The following DMAP1 variants were observed in gnomAD, a reference collection of about 807,000 sequenced individuals.
The protein encoded by DMAP1 is DNA methyltransferase 1-associated protein 1.
In DMAP1, 26 loss-of-function variants were observed where a neutral mutation model predicts 52.7. The observed-to-expected ratio is 0.49, with a 90% CI of 0.36 to 0.68. DMAP1 has a LOEUF of 0.68. DMAP1 is among the 30% of genes least tolerant of loss of function. The pLI, the probability that DMAP1 is intolerant of heterozygous loss-of-function variation, is 0.00. For missense variants in DMAP1, 439 were observed against 625.2 expected (o/e 0.70, Z 3.18); for synonymous variants, 231 against 246.0 (o/e 0.94, Z 0.57).
chr1:44,218,969 C>G lies in DMAP1; in HGVS notation c.721-87C>G, dbSNP rs1643850033. ...TGATCCATTACTTCTCAGATTCCCT[C>G]ACAGACAGCCCAGCACCCTGTCACC... On this transcript the variant is annotated intron_variant, in intron 5 of 9. Coordinates refer to ENST00000372289, the MANE Select transcript of DMAP1 (RefSeq NM_019100.5). This position sits in a 1 kb window ranked among gnomAD's most constrained non-coding sequence, Gnocchi z 5.6. 6.5e-7 allele frequency: 1 copy of G among 1,529,996 alleles called. No homozygotes were observed. Among genetic ancestry groups the G allele is most frequent in the East Asian group, 2.3e-5 (1 of 44,306 alleles). The allele number at this position is 1,529,996 out of a possible 1,614,324, so 94.8% of individuals were successfully genotyped here. A position where few individuals can be genotyped will look rare whatever the true frequency, so the allele number is the denominator to read the frequency against.
At position 44,213,507 on chromosome 1, in the gene DMAP1, G is replaced by C. The variant is rs1178595184; in HGVS notation, c.-247G>C. The C allele has an allele frequency of 1.1e-5, 5 of 472,598 alleles. No individual in the cohort carries two copies. The highest frequency in any genetic ancestry group is 1.9e-5 in the Non-Finnish European group (5 of 261,596). The allele number at this position is 472,598 out of a possible 1,614,324, so 29.3% of individuals were successfully genotyped here. A position where few individuals can be genotyped will look rare whatever the true frequency, so the allele number is the denominator to read the frequency against. On this transcript the variant is annotated 5_prime_UTR_variant, in exon 1 of 10. Transcript: ENST00000372289. The surrounding 1 kb of genome is among the most constrained non-coding windows in gnomAD (Gnocchi z 4.5). ...GCGGGGACGGGGGAGTGGTAGTGGG[G>C]GCTGCAGCTGCCGGACCCAGGTGCG... is the stretch of plus-strand genomic sequence containing the variant.
chr1:44,218,819 C>G lies in DMAP1; in HGVS notation c.720+64C>G, dbSNP rs560510137. ...ACCCCTTGCTCATTGTCTCCATCCT[C>G]CATCCCCTCAACTCCCACTCCCAGG... is the stretch of plus-strand genomic sequence containing the variant. On this transcript the variant is annotated intron_variant, in intron 5 of 9. Transcript: ENST00000372289. This position sits in a 1 kb window ranked among gnomAD's most constrained non-coding sequence, Gnocchi z 5.6. 6.5e-7 allele frequency: 1 copy of G among 1,545,098 alleles called. No homozygotes were observed. The highest frequency in any genetic ancestry group is 8.8e-7 in the Non-Finnish European group (1 of 1,141,840).
At position 44,218,582 on chromosome 1, in the gene DMAP1, C is replaced by T; in HGVS notation, c.553-6C>T. 1 of 1,609,908 alleles carries T rather than the reference C, an allele frequency of 6.2e-7. No individual in the cohort carries two copies. Among genetic ancestry groups the T allele is most frequent in the Non-Finnish European group, 8.5e-7 (1 of 1,176,672 alleles). On this transcript the variant is annotated splice_polypyrimidine_tract_variant and splice_region_variant and intron_variant, in intron 4 of 9. Transcript: ENST00000372289. This position sits in a 1 kb window ranked among gnomAD's most constrained non-coding sequence, Gnocchi z 5.6. ...GTTCATTCCTCTACCCTGTCTTGCT[C>T]CTCAGAAGCGTTCTGTGGAAGACCT...
At position 44,218,481 on chromosome 1, in the gene DMAP1, T is replaced by C. The variant is rs1429773476; in HGVS notation, c.552+12T>C. 2 of 1,613,196 alleles carry C rather than the reference T, an allele frequency of 1.2e-6. No individual in the cohort carries two copies. The highest frequency in any genetic ancestry group is 1.7e-4 in the Middle Eastern group (1 of 6,060). ...ACCAGCAGTTCAAGGTGAGCCATTGTGTATTTGCATGGGTGCCCAGCTTCT... is the reference window on the plus strand; with the variant it reads ...ACCAGCAGTTCAAGGTGAGCCATTGCGTATTTGCATGGGTGCCCAGCTTCT... On this transcript the variant is annotated intron_variant, in intron 4 of 9. Transcript: ENST00000372289. The surrounding 1 kb of genome is among the most constrained non-coding windows in gnomAD (Gnocchi z 5.6).
Position 44,220,084 on chromosome 1 carries a change from G to A in DMAP1, c.1119G>A (p.Leu373=). 2.5e-6 allele frequency: 4 copies of A among 1,610,522 alleles called. No individual in the cohort carries two copies. Among genetic ancestry groups the A allele is most frequent in the Non-Finnish European group, 3.4e-6 (4 of 1,177,668 alleles). The stretch of plus-strand genomic sequence containing the variant: ...ATGAGCTGCGAAGCGACCTGGTGCT[G>A]CTCTACGAGCTCAAGCAGGCCTGTG... The part of the protein sequence containing the change: ...MFNELRSDLV[L]LYELKQACAN... The change falls in exon 9 of 10, where the codon CTG becomes CTA. Residue 373 remains leucine, a synonymous_variant. Coordinates refer to ENST00000372289, the MANE Select transcript of DMAP1 (RefSeq NM_019100.5).
In DMAP1 at chr1:44,218,514, G is replaced by A. The variant is rs756913898; in HGVS notation, c.552+45G>A. On this transcript the variant is annotated intron_variant, in intron 4 of 9. Transcript: ENST00000372289. The surrounding 1 kb of genome is among the most constrained non-coding windows in gnomAD (Gnocchi z 5.6). ...CATGGGTGCCCAGCTTCTGGGTCTA[G>A]CAGGCCCTACTTTTATGCCATCTCT... The A allele has an allele frequency of 1.9e-6, 3 of 1,610,410 alleles. No individual in the cohort carries two copies. In the African/African-American group the frequency reaches 4.0e-5, roughly 22 times the overall value.
In DMAP1 at chr1:44,213,737, C is replaced by G. The variant is rs775842817; in HGVS notation, c.-17C>G. On this transcript the variant is annotated 5_prime_UTR_variant, in exon 1 of 10. Coordinates refer to ENST00000372289, the MANE Select transcript of DMAP1 (RefSeq NM_019100.5). The surrounding 1 kb of genome is among the most constrained non-coding windows in gnomAD (Gnocchi z 4.5). ...CTGACCCTTGACCTCCGGTGGCTCC[C>G]CCATCTCTCAGGCGCGATGGCTACG... 6.4e-7 allele frequency: 1 copy of G among 1,563,054 alleles called. No individual in the cohort carries two copies.
chr1:44,219,240 C>A lies in DMAP1; in HGVS notation c.905C>A (p.Pro302Gln). Residue 302 changes from proline (P) to glutamine (Q), a missense_variant and splice_region_variant, in exon 6 of 10, where the codon CCG (proline) becomes CAG (glutamine). Around this residue, in one of 3 missense-constraint regions of DMAP1, gnomAD observed 179 missense variants for 285.9 expected, o/e 0.63. Coordinates refer to ENST00000372289, the MANE Select transcript of DMAP1 (RefSeq NM_019100.5). ...CCCCAGAAAAAGGAGGCTGAGAAGCCGGTGCGGAGGTTCCGCCAGCCTAGC... is the reference window on the plus strand; with the variant it reads ...CCCCAGAAAAAGGAGGCTGAGAAGCAGGTGCGGAGGTTCCGCCAGCCTAGC... ...KLPQKKEAEK[P>Q]AVPETAGIKF... 1 of 1,612,662 alleles carries A rather than the reference C, an allele frequency of 6.2e-7. No homozygotes were observed. The highest frequency in any genetic ancestry group is 1.7e-4 in the Middle Eastern group (1 of 5,936).
chr1:44,219,527 G>T, intron 7 of DMAP1, 50 bp downstream of exon 7: 1 of 1,507,990 alleles, frequency 6.6e-7, no homozygotes. Context: ...CTCTGCTCTG[G>T]GCTCCATGTG....
Position 44,220,640 on chromosome 1 carries a change from G to A in DMAP1, c.*22G>A, listed in dbSNP as rs780069806. 7.4e-6 allele frequency: 12 copies of A among 1,613,936 alleles called. No individual in the cohort carries two copies. Among genetic ancestry groups the A allele is most frequent in the East Asian group, 2.2e-5 (1 of 44,890 alleles). On this transcript the variant is annotated 3_prime_UTR_variant, in exon 10 of 10. Transcript: ENST00000372289. ...GTGAGAGGCCCCACGGGGTGTGGGC[G>A]ACGCTGTTATGTAAATAGAGCTGCT...
Position 44,213,692 on chromosome 1 carries a change from G to GCCTGGTCCTTCTTCAGGCACTGAC in DMAP1, c.-58_-35dup. On this transcript the variant is annotated 5_prime_UTR_variant, in exon 1 of 10. Transcript: ENST00000372289. The surrounding 1 kb of genome is among the most constrained non-coding windows in gnomAD (Gnocchi z 4.5). ...GGATTGGCCCCGCCCCCTGACCTGAGCCTGGTCCTTCTTCAGGCACTGACC... is the reference window on the plus strand; with the variant it reads ...GGATTGGCCCCGCCCCCTGACCTGAGCCTGGTCCTTCTTCAGGCACTGACCCTGGTCCTTCTTCAGGCACTGACC... The GCCTGGTCCTTCTTCAGGCACTGAC allele has an allele frequency of 6.7e-7, 1 of 1,498,020 alleles. No homozygotes were observed. The highest frequency in any genetic ancestry group is 9.1e-7 in the Non-Finnish European group (1 of 1,099,966). The allele number at this position is 1,498,020 out of a possible 1,614,324, so 92.8% of individuals were successfully genotyped here.
Position 44,213,507 on chromosome 1 carries a change from G to A in DMAP1, c.-247G>A. 2.1e-6 allele frequency: 1 copy of A among 472,716 alleles called. No homozygotes were observed. The highest frequency in any genetic ancestry group is 3.7e-5 in the Admixed American group (1 of 26,992). The allele number at this position is 472,716 out of a possible 1,614,324, so 29.3% of individuals were successfully genotyped here. A position where few individuals can be genotyped will look rare whatever the true frequency, so the allele number is the denominator to read the frequency against. On this transcript the variant is annotated 5_prime_UTR_variant, in exon 1 of 10. Transcript: ENST00000372289. The surrounding 1 kb of genome is among the most constrained non-coding windows in gnomAD (Gnocchi z 4.5). ...GCGGGGACGGGGGAGTGGTAGTGGG[G>A]GCTGCAGCTGCCGGACCCAGGTGCG... is the stretch of plus-strand genomic sequence containing the variant.
Position 44,218,346 on chromosome 1 carries a change from C to T in DMAP1, c.429C>T (p.Tyr143=), listed in dbSNP as rs772541742. ...TGCCTGTGTACTCGGAGCAGGAGTA[C>T]CAGCTTTATCTCCACGATGATGCTT... ...VQVPVYSEQE[Y]QLYLHDDAWT... The change falls in exon 4 of 10, where the codon TAC becomes TAT. Residue 143 remains tyrosine, a synonymous_variant. Transcript: ENST00000372289. This position sits in a 1 kb window ranked among gnomAD's most constrained non-coding sequence, Gnocchi z 5.6. The T allele has an allele frequency of 7.4e-6, 12 of 1,614,210 alleles. No homozygotes were observed. Among genetic ancestry groups the T allele is most frequent in the Non-Finnish European group, 8.5e-6 (10 of 1,180,030 alleles).
At chr1:44,219,545 C>T (rs920287282) in intron 7 of DMAP1, 68 bp downstream of exon 7, 29 of 1,456,352 alleles carry the variant, frequency 2.0e-5, no homozygotes, top group African/African-American at 8.6e-5. Context: ...GTGTCCCAAA[C>T]GCTGCAGGCA....
At chr1:44,215,603 TAA>T (rs749257750) in intron 3 of DMAP1, 56 of 313,850 alleles carry the variant, frequency 1.8e-4, no homozygotes, top group Non-Finnish European at 3.2e-4. Flanking sequence ...TGAAATGAGA[TAA>T]AGAGTGAACT....
chr1:44,214,612 A>G, intron 2 of DMAP1, 91 bp from the exon 3 acceptor site: 1 of 1,613,328 alleles, frequency 6.2e-7, no homozygotes, highest in Non-Finnish European at 8.5e-7. Flanking sequence ...CTTTCTTGCT[A>G]TAGGGTAGGG....
At chr1:44,215,065 C>G (rs1456202372) in intron 3 of DMAP1, 167 bp downstream of exon 3, 1 of 783,964 alleles carries the variant, frequency 1.3e-6, no homozygotes, top group Admixed American at 2.0e-5. Context: ...CTCTGTGGGT[C>G]TTTTCTGCCC....
At position 44,220,145 on chromosome 1, in the gene DMAP1, C is replaced by T. The variant is rs1435036087; in HGVS notation, c.1180C>T (p.Arg394Cys). ...GTATGAGCTGCAGATGCTGCGGCAC[C>T]GTCATGAGGCACTGGCCCGGGCTGG... is the stretch of plus-strand genomic sequence containing the variant. Reference protein sequence around the residue: ...CEYELQMLRHRHEALARAGVL... With the variant: ...CEYELQMLRHCHEALARAGVL... Residue 394 changes from arginine to cysteine, a missense_variant, in exon 9 of 10, where the codon CGT (arginine) becomes TGT (cysteine). This residue lies in a region of DMAP1 where 179 missense variants were observed against 285.9 expected (regional missense o/e 0.63). Coordinates refer to ENST00000372289, the MANE Select transcript of DMAP1 (RefSeq NM_019100.5). The T allele has an allele frequency of 1.9e-6, 3 of 1,612,490 alleles. No individual in the cohort carries two copies. Among genetic ancestry groups the T allele is most frequent in the Non-Finnish European group, 2.5e-6 (3 of 1,179,012 alleles).
In DMAP1 at chr1:44,214,266, G is replaced by A. The variant is rs1351525298; in HGVS notation, c.106-84G>A. Reference sequence around the variant, plus strand: ...GCCTGTCATTGACCCTGTAGGTGCTGCTTTGTTCAGGGATTGAGCTGGACT... The same window carrying A: ...GCCTGTCATTGACCCTGTAGGTGCTACTTTGTTCAGGGATTGAGCTGGACT... On this transcript the variant is annotated intron_variant, in intron 1 of 9. Coordinates refer to ENST00000372289, the MANE Select transcript of DMAP1 (RefSeq NM_019100.5). 1.4e-5 allele frequency: 18 copies of A among 1,305,018 alleles called. No homozygotes were observed. In the East Asian group the frequency reaches 3.7e-4, roughly 27 times the overall value. 80.8% of individuals were successfully genotyped at this position (1,305,018 alleles called of 1,614,324 possible). A position where few individuals can be genotyped will look rare whatever the true frequency, so the allele number is the denominator to read the frequency against.
Sources: allele counts gnomAD v4.1 joint callset, GRCh38; gene constraint gnomAD v4.1.1; regional missense constraint gnomAD v4.1.1; non-coding constraint Gnocchi (gnomAD v3.1); transcripts MANE v1.5; gene names NCBI Gene and HGNC (gene_info 2026-07-23, HGNC 2026-07-21).